Variants in CPLX2 observed in about 807,000 individuals in gnomAD.
CPLX2 encodes the protein complexin-2.
In CPLX2, 5 loss-of-function variants were observed where a neutral mutation model predicts 16.3. That is an observed-to-expected ratio of 0.31 (90% CI 0.16 to 0.64). The LOEUF is 0.64. CPLX2 is among the 30% of genes least tolerant of loss of function. CPLX2 has a pLI of 0.79. For synonymous variants in CPLX2, 89 were observed against 73.2 expected, an observed-to-expected ratio of 1.22 and a Z score of -1.10; for missense variants, 144 against 181.4, an observed-to-expected ratio of 0.79 and a Z score of 1.18.
chr5:175,835,800 G>A (rs999801707), intron 2 of CPLX2, among the ~76,000 whole-genome samples: 6 of 128,744 alleles, frequency 4.7e-5, no homozygotes, highest in Non-Finnish European at 9.3e-5. Context: ...GTGCAGTGGT[G>A]TGATCTTGGT....
At chr5:175,827,276 G>C (rs972941600) in intron 2 of CPLX2, among the ~76,000 whole-genome samples, 3 of 152,212 alleles carry the variant, frequency 2.0e-5, no homozygotes, top group Non-Finnish European at 4.4e-5. Flanking sequence ...CCTCACTGAA[G>C]GTGACTGGGG....
intron 1 of CPLX2, among the ~76,000 whole-genome samples, chr5:175,875,284 A>C (rs1361568986): frequency 6.6e-6 from 1 of 152,124 alleles, no homozygotes; most frequent in Non-Finnish European, 1.5e-5. Flanking sequence ...AGAGGGATGG[A>C]AGATGTGAGG....
intron 2 of CPLX2, among the ~76,000 whole-genome samples, chr5:175,835,728 C>CTTTTTTTTTT (rs71575283): frequency 1.8e-5 from 1 of 54,796 alleles, no homozygotes; most frequent in Non-Finnish European, 3.1e-5. Context: ...TATTTATTTA[C>CTTTTTTTTTT]TTTTTTTTTT....
intron 2 of CPLX2, among the ~76,000 whole-genome samples, chr5:175,847,489 C>T (rs931550807): frequency 2.0e-5 from 3 of 152,156 alleles, no homozygotes; most frequent in African/African-American, 2.4e-5. Context: ...CACTCAGAGC[C>T]GCCGCTAAAG....
intron 2 of CPLX2, among the ~76,000 whole-genome samples, chr5:175,815,473 C>G (rs554796413): frequency 1.3e-5 from 2 of 152,226 alleles, no homozygotes; most frequent in East Asian, 3.9e-4. Flanking sequence ...ACCACTCCAG[C>G]AGTTACCACA....
intron 2 of CPLX2, among the ~76,000 whole-genome samples, chr5:175,815,001 G>A (rs191280328): frequency 7.9e-5 from 12 of 152,320 alleles, no homozygotes; most frequent in Non-Finnish European, 1.2e-4. Flanking sequence ...AAAATCAAAG[G>A]GCTGTCACCA....
intron 2 of CPLX2, among the ~76,000 whole-genome samples, chr5:175,838,611 C>CA (rs1250318636): frequency 6.6e-6 from 1 of 152,142 alleles, no homozygotes; most frequent in African/African-American, 2.4e-5. Context: ...GCTGCCCCCT[C>CA]ACCCAAGCCT....
intron 1 of CPLX2, among the ~76,000 whole-genome samples, chr5:175,800,939 C>T (rs1294539480): frequency 6.6e-6 from 1 of 152,146 alleles, no homozygotes; most frequent in African/African-American, 2.4e-5. Flanking sequence ...TGGGGCAGCA[C>T]ACTCCAGGCA....
At chr5:175,860,774 A>G (rs1390921236) in intron 2 of CPLX2, among the ~76,000 whole-genome samples, 2 of 152,148 alleles carry the variant, frequency 1.3e-5, no homozygotes, top group African/African-American at 4.8e-5. Flanking sequence ...CTGGCTATGG[A>G]TCTAATGCCC....
chr5:175,820,998 T>C (rs1365747635), intron 2 of CPLX2, among the ~76,000 whole-genome samples: 1 of 152,148 alleles, frequency 6.6e-6, no homozygotes, highest in African/African-American at 2.4e-5. Flanking sequence ...TGGTTTGGGC[T>C]CTTCCTGGAG....
chr5:175,874,407 C>T (rs1759710194), intron 1 of CPLX2, among the ~76,000 whole-genome samples: 1 of 152,212 alleles, frequency 6.6e-6, no homozygotes, highest in African/African-American at 2.4e-5. Flanking sequence ...CCCAGCCCAA[C>T]TGAATGCTGT....
chr5:175,824,698 T>C (rs1014708462), intron 2 of CPLX2, among the ~76,000 whole-genome samples: 1 of 152,216 alleles, frequency 6.6e-6, no homozygotes, highest in African/African-American at 2.4e-5. Flanking sequence ...CACTAGAAAG[T>C]GTCTACCACC....
rs751997748 is a variant in CPLX2 at position 175,849,177 on chromosome 5, C to G, written c.-88-29475C>G. 8.5e-5 allele frequency among the ~76,000 whole-genome samples: 13 copies of G among 152,204 alleles called. No individual in the cohort carries two copies. The highest frequency in any genetic ancestry group is 2.0e-4 in the Admixed American group (3 of 15,276). On this transcript the variant is annotated intron_variant, in intron 2 of 4. Coordinates refer to the CPLX2 transcript ENST00000359546. The surrounding 1 kb of genome is among the most constrained non-coding windows in gnomAD (Gnocchi z 4.4). ...CGTGTGTGCAGGACCGATGTCCACACTTCACAGGTGGAAACAGAGCACAAA... is the reference window on the plus strand; with the variant it reads ...CGTGTGTGCAGGACCGATGTCCACAGTTCACAGGTGGAAACAGAGCACAAA...
chr5:175,843,106 G>A (rs1758975952), intron 2 of CPLX2, among the ~76,000 whole-genome samples: 1 of 152,180 alleles, frequency 6.6e-6, no homozygotes, highest in South Asian at 2.1e-4. Context: ...GGGTCAGCGG[G>A]TAGGGGAGGG....
chr5:175,819,783 A>C (rs543709004), intron 2 of CPLX2, among the ~76,000 whole-genome samples: 2 of 152,284 alleles, frequency 1.3e-5, no homozygotes, highest in East Asian at 1.9e-4. Flanking sequence ...TCACAGATGA[A>C]ATGGCCAGGC....
Position 175,880,094 on chromosome 5 carries a change from TTC to T in CPLX2, c.*51_*52del. The T allele has an allele frequency of 6.5e-7, 1 of 1,550,048 alleles. No individual in the cohort carries two copies. The highest frequency in any genetic ancestry group is 8.8e-7 in the Non-Finnish European group (1 of 1,140,534). Reference sequence around the variant, plus strand: ...TCCACCTGTTACTACTTCTTTTTGGTTCTTTCTTTTCTTTTTATTAGGTTAAG... The same window carrying T: ...TCCACCTGTTACTACTTCTTTTTGGTTTTCTTTTCTTTTTATTAGGTTAAG... On this transcript the variant is annotated 3_prime_UTR_variant, in exon 4 of 4. Transcript: ENST00000393745.
At chr5:175,825,564 A>G (rs1758597355) in intron 2 of CPLX2, among the ~76,000 whole-genome samples, 1 of 152,158 alleles carries the variant, frequency 6.6e-6, no homozygotes, top group Non-Finnish European at 1.5e-5. Flanking sequence ...TAGTTCAGGA[A>G]AACTTTACCC....
At position 175,880,272 on chromosome 5, in the gene CPLX2, C is replaced by A. The variant is rs774352806; in HGVS notation, c.*227C>A. 1.4e-5 allele frequency: 9 copies of A among 645,900 alleles called. No homozygotes were observed. Among genetic ancestry groups the A allele is most frequent in the Non-Finnish European group, 2.6e-5 (9 of 352,586 alleles). The allele number at this position is 645,900 out of a possible 1,614,324, so 40.0% of individuals were successfully genotyped here. A position where few individuals can be genotyped will look rare whatever the true frequency, so the allele number is the denominator to read the frequency against. ...AGTAGCTTGAAAAAGGGAGGACAGT[C>A]TTTCCCCAGCAGGGGTCAGGGGGGC... On this transcript the variant is annotated 3_prime_UTR_variant, in exon 4 of 4. Transcript: ENST00000393745.
intron 2 of CPLX2, among the ~76,000 whole-genome samples, chr5:175,865,329 A>C (rs1759453273): frequency 6.6e-6 from 1 of 152,196 alleles, no homozygotes; most frequent in Admixed American, 6.6e-5. Flanking sequence ...AATGGAAAGT[A>C]GAAGTCATTT....
Sources: allele counts gnomAD v4.1 joint callset (sites outside exome capture counted in the v4.1 genomes callset), GRCh38; gene constraint gnomAD v4.1.1; non-coding constraint Gnocchi (gnomAD v3.1); transcripts MANE v1.5; gene names NCBI Gene and HGNC (gene_info 2026-07-23, HGNC 2026-07-21).